CAMTA1: variants seen among roughly 807,000 people sequenced by gnomAD.
CAMTA1 encodes calmodulin-binding transcription activator 1.
In CAMTA1, 27 loss-of-function variants were observed where a neutral mutation model predicts 170.9. The ratio of observed to expected loss-of-function variants is 0.16; its 90% CI spans 0.12 to 0.22. The LOEUF is 0.22. CAMTA1 is among the 10% of genes least tolerant of loss of function. The pLI is 1.00. For synonymous variants in CAMTA1, 833 were observed against 891.5 expected (o/e 0.93, Z 1.17); for missense variants, 1,619 against 2,217.2 (o/e 0.73, Z 5.42).
intron 6 of CAMTA1, among the ~76,000 whole-genome samples, chr1:7,489,622 T>C (rs1457440720): frequency 6.6e-6 from 1 of 152,176 alleles, no homozygotes; most frequent in Non-Finnish European, 1.5e-5. Context: ...AGGGACCTGG[T>C]GGCAAGTTAT....
intron 1 of CAMTA1, among the ~76,000 whole-genome samples, chr1:6,818,731 C>T (rs368425988): frequency 2.0e-5 from 3 of 152,218 alleles, no homozygotes; most frequent in East Asian, 1.9e-4. Context: ...CTCAACTTCC[C>T]GGATTCCAGC....
chr1:6,838,085 G>A (rs1048345643), intron 3 of CAMTA1, among the ~76,000 whole-genome samples: 1 of 152,150 alleles, frequency 6.6e-6, no homozygotes, highest in African/African-American at 2.4e-5. Context: ...AGTCCCTGGA[G>A]TGTCCAGGGA....
intron 4 of CAMTA1, among the ~76,000 whole-genome samples, chr1:7,119,831 C>G (rs985703147): frequency 1.3e-5 from 2 of 152,124 alleles, no homozygotes; most frequent in East Asian, 3.9e-4. Flanking sequence ...AAATGATGTG[C>G]GTGGCCTTTT....
chr1:7,601,122 C>CA (rs1553217504), intron 6 of CAMTA1, among the ~76,000 whole-genome samples: 1 of 149,846 alleles, frequency 6.7e-6, no homozygotes, highest in Non-Finnish European at 1.5e-5. Flanking sequence ...CTGACCCCCC[C>CA]ACCTCCCTCC....
chr1:6,870,212 G>A (rs1667998550), intron 3 of CAMTA1, among the ~76,000 whole-genome samples: 1 of 152,036 alleles, frequency 6.6e-6, no homozygotes, highest in Non-Finnish European at 1.5e-5. Context: ...TTGTTTTCAT[G>A]GGGTGTTGAT....
At chr1:6,822,370 C>G (rs766214989) in intron 2 of CAMTA1, among the ~76,000 whole-genome samples, 1 of 152,192 alleles carries the variant, frequency 6.6e-6, no homozygotes, top group Non-Finnish European at 1.5e-5. Context: ...TCCCACTTCA[C>G]CTGTAGAAAC....
rs1214147646 is a variant in CAMTA1, at chr1:7,293,959, G to A, written c.438+44333G>A. On this transcript the variant is annotated intron_variant, in intron 5 of 22. Transcript: ENST00000303635. This position sits in a 1 kb window ranked among gnomAD's most constrained non-coding sequence, Gnocchi z 4.1. The stretch of plus-strand genomic sequence containing the variant: ...AGCCTCGCACTTCCCACCTGTTAAA[G>A]CTTGCAAAGATATCATCGGCAGGCA... Among the ~76,000 whole-genome samples the A allele has an allele frequency of 6.6e-6, 1 of 152,208 alleles. No homozygotes were observed. The highest frequency in any genetic ancestry group is 1.5e-5 in the Non-Finnish European group (1 of 68,038).
rs750060191 is a variant in CAMTA1, at chr1:7,663,573, G to A, written c.1026G>A (p.Glu342=). 6.2e-7 allele frequency: 1 copy of A among 1,613,582 alleles called. No individual in the cohort carries two copies. Among genetic ancestry groups the A allele is most frequent in the Non-Finnish European group, 8.5e-7 (1 of 1,179,600 alleles). The change falls in exon 9 of 23, where the codon GAG becomes GAA. Residue 342 remains glutamate, a synonymous_variant. Transcript: ENST00000303635. ...TGCTCCTGCACCAGAGCAGCACCGA[G>A]GTCTCCTCCACCAACCAGGTGGAAG... ...KPVLLHQSST[E]VSSTNQVEVP...
At chr1:7,551,413 A>G (rs2094801266) in intron 6 of CAMTA1, among the ~76,000 whole-genome samples, 1 of 152,252 alleles carries the variant, frequency 6.6e-6, no homozygotes, top group South Asian at 2.1e-4. Flanking sequence ...CGCAGGGCAC[A>G]GAGGAGGAAG....
rs186652896 is a variant in CAMTA1 at position 6,912,768 on chromosome 1, C to T, written c.234+87558C>T. On this transcript the variant is annotated intron_variant, in intron 3 of 22. Transcript: ENST00000303635. ...GGGGAGGCGCTGTCATACTGCCCCA[C>T]ACTGAGCTTGAGCTGGGAGCCAGGC... 1.9e-3 allele frequency among the ~76,000 whole-genome samples: 292 copies of T among 152,348 alleles called. 1 individual carries two copies. Among genetic ancestry groups the T allele is most frequent in the African/African-American group, 6.8e-3 (281 of 41,588 alleles).
At chr1:7,666,013 CA>C (rs2095997931) in intron 9 of CAMTA1, among the ~76,000 whole-genome samples, 1 of 151,766 alleles carries the variant, frequency 6.6e-6, no homozygotes, top group African/African-American at 2.4e-5. Context: ...ACTAAAAATA[CA>C]AAAAATTAAC....
intron 22 of CAMTA1, among the ~76,000 whole-genome samples, chr1:7,759,066 T>C (rs2096955351): frequency 6.6e-6 from 1 of 152,110 alleles, no homozygotes; most frequent in Non-Finnish European, 1.5e-5. Flanking sequence ...GGAGGATTGC[T>C]TGAGCCCAGA....
intron 6 of CAMTA1, among the ~76,000 whole-genome samples, chr1:7,597,997 C>T (rs888344383): frequency 6.6e-6 from 1 of 151,208 alleles, no homozygotes; most frequent in Non-Finnish European, 1.5e-5. Context: ...AGGTTTGTTA[C>T]ATATGTATAC....
At chr1:7,058,064 GCA>G (rs1455340778) in intron 3 of CAMTA1, among the ~76,000 whole-genome samples, 4 of 152,176 alleles carry the variant, frequency 2.6e-5, no homozygotes, top group Non-Finnish European at 2.9e-5. Flanking sequence ...TAATGTCCAG[GCA>G]GGACGGAGAC....
In CAMTA1 at chr1:7,395,400, G is replaced by C. The variant is rs188612033; in HGVS notation, c.439-72430G>C. On this transcript the variant is annotated intron_variant, in intron 5 of 22. Coordinates refer to ENST00000303635, the MANE Select transcript of CAMTA1 (RefSeq NM_015215.4). ...CCTGTAAGTACACAGATTTATTTCT[G>C]TGTTCTCTATTCTGTTCCATTCGTC... Among the ~76,000 whole-genome samples, 9 of 152,188 alleles carry C rather than the reference G, an allele frequency of 5.9e-5. No homozygotes were observed. The East Asian group carries it at 1.7e-3, about 29-fold the overall frequency.
intron 3 of CAMTA1, among the ~76,000 whole-genome samples, chr1:6,930,422 A>T (rs575263246): frequency 6.6e-6 from 1 of 152,252 alleles, no homozygotes; most frequent in Admixed American, 6.5e-5. Context: ...TCTTTCTGTA[A>T]CTGATTCTAA....
chr1:6,986,504 C>G (rs550331934), intron 3 of CAMTA1, among the ~76,000 whole-genome samples: 1 of 152,138 alleles, frequency 6.6e-6, no homozygotes, highest in East Asian at 1.9e-4. Flanking sequence ...ACAAAGGAGT[C>G]GGATGCCAGT....
At chr1:7,590,142 G>A (rs2095344451) in intron 6 of CAMTA1, among the ~76,000 whole-genome samples, 1 of 152,202 alleles carries the variant, frequency 6.6e-6, no homozygotes, top group South Asian at 2.1e-4. Context: ...CCCAGGGCTA[G>A]CATCTCCCTA....
In CAMTA1 at chr1:7,767,861, T is replaced by C. The variant is rs2097032493; in HGVS notation, c.*1370T>C. On this transcript the variant is annotated 3_prime_UTR_variant, in exon 23 of 23. Transcript: ENST00000303635. ...TAAACTGCAAAAAAAAAAAAAGAGC[T>C]ACTGTATTTAGACTTAGGAAAAAAG... The C allele has an allele frequency of 1.4e-5, 2 of 143,718 alleles. No homozygotes were observed. Among genetic ancestry groups the C allele is most frequent in the Admixed American group, 1.4e-4 (2 of 14,440 alleles). 8.9% of individuals were successfully genotyped at this position (143,718 alleles called of 1,614,324 possible). A position where few individuals can be genotyped will look rare whatever the true frequency, so the allele number is the denominator to read the frequency against.
Sources: allele counts gnomAD v4.1 joint callset (sites outside exome capture counted in the v4.1 genomes callset), GRCh38; gene constraint gnomAD v4.1.1; non-coding constraint Gnocchi (gnomAD v3.1); transcripts MANE v1.5; gene names NCBI Gene and HGNC (gene_info 2026-07-23, HGNC 2026-07-21).